The following NLGN1 variants were observed in gnomAD, a reference collection of about 807,000 sequenced individuals.
The protein encoded by NLGN1 is neuroligin-1.
A neutral mutation model predicts 65.5 loss-of-function variants in NLGN1; 12 were observed. That is an observed-to-expected ratio of 0.18 (90% CI 0.12 to 0.30). NLGN1 has a LOEUF of 0.30. NLGN1 is among the 10% of genes least tolerant of loss of function. The probability of loss-of-function intolerance (pLI) is 1.00; values close to 1 mark genes in which losing one functional copy is unlikely to be tolerated. For missense variants in NLGN1, 750 were observed against 1,007.1 expected (o/e 0.74, Z 3.46); for synonymous variants, 350 against 359.5 (o/e 0.97, Z 0.30).
intron 2 of NLGN1, among the ~76,000 whole-genome samples, chr3:173,470,337 A>G (rs1195962742): frequency 4.6e-5 from 5 of 108,024 alleles, no homozygotes; most frequent in Non-Finnish European, 1.0e-4. Flanking sequence ...GACTGCCATC[A>G]TATCATCATA....
At chr3:173,963,766 G>T (rs371026945) in intron 4 of NLGN1, among the ~76,000 whole-genome samples, 1 of 152,144 alleles carries the variant, frequency 6.6e-6, no homozygotes, top group Non-Finnish European at 1.5e-5. Context: ...AAGTTCAAAA[G>T]GTGTCTAATT....
intron 4 of NLGN1, among the ~76,000 whole-genome samples, chr3:173,903,851 A>G (rs1390451537): frequency 6.6e-6 from 1 of 152,144 alleles, no homozygotes; most frequent in African/African-American, 2.4e-5. Flanking sequence ...AGCTGTAAGG[A>G]GATCTTTTAT....
At chr3:173,568,147 T>A (rs1034985955) in intron 2 of NLGN1, among the ~76,000 whole-genome samples, 15 of 151,448 alleles carry the variant, frequency 9.9e-5, no homozygotes, top group Admixed American at 8.6e-4. Flanking sequence ...CTTCCTTCCT[T>A]CCTTCCTTTC....
chr3:173,548,126 G>A (rs1740211386), intron 2 of NLGN1, among the ~76,000 whole-genome samples: 1 of 151,996 alleles, frequency 6.6e-6, no homozygotes, highest in South Asian at 2.1e-4. Flanking sequence ...TTCCAAGCCA[G>A]TGCCTACCAA....
rs993577713 is a variant in NLGN1, at chr3:174,169,041, G to A, written c.647-106274G>A. On this transcript the variant is annotated intron_variant, in intron 4 of 6. Coordinates refer to ENST00000457714, the Ensembl canonical transcript of NLGN1. ...GGGGTGACTCAGTCTGCTTCACCAG[G>A]CTTGGAGCCTACCTGTCTTGAAGAA... 4.6e-5 allele frequency among the ~76,000 whole-genome samples: 7 copies of A among 152,166 alleles called. No homozygotes were observed. In the East Asian group the frequency reaches 7.7e-4, roughly 17 times the overall value.
intron 2 of NLGN1, among the ~76,000 whole-genome samples, chr3:173,588,524 T>G (rs1217838575): frequency 6.6e-6 from 1 of 152,210 alleles, no homozygotes; most frequent in Non-Finnish European, 1.5e-5. Flanking sequence ...GAAGCTTAAG[T>G]GAAGTCAGGG....
chr3:173,956,511 A>C (rs116396620), intron 4 of NLGN1, among the ~76,000 whole-genome samples: 2,704 of 152,238 alleles, frequency 0.018, 81 homozygotes, highest in African/African-American at 0.061. Context: ...TATGTGTCCT[A>C]AATTTAATTA....
intron 3 of NLGN1, among the ~76,000 whole-genome samples, chr3:173,682,174 T>C (rs1372177962): frequency 6.6e-6 from 1 of 152,184 alleles, no homozygotes; most frequent in Non-Finnish European, 1.5e-5. Context: ...AAGAATTATA[T>C]GAAAGAGTTT....
intron 2 of NLGN1, among the ~76,000 whole-genome samples, chr3:173,530,892 T>G (rs1736456148): frequency 1.3e-5 from 2 of 152,108 alleles, no homozygotes; most frequent in South Asian, 4.1e-4. Flanking sequence ...TCGATGCTCA[T>G]TTTTTAAAAT....
intron 4 of NLGN1, among the ~76,000 whole-genome samples, chr3:174,045,068 T>C (rs1262686090): frequency 1.3e-5 from 2 of 152,092 alleles, no homozygotes. Context: ...TAATACACCA[T>C]CCAAACTGTT....
intron 3 of NLGN1, among the ~76,000 whole-genome samples, chr3:173,792,326 T>A (rs1299196982): frequency 6.6e-6 from 1 of 152,142 alleles, no homozygotes; most frequent in Non-Finnish European, 1.5e-5. Flanking sequence ...AAGATAAAAT[T>A]TAATAATGCC....
At chr3:174,167,113 G>T (rs891857320) in intron 4 of NLGN1, among the ~76,000 whole-genome samples, 7 of 152,054 alleles carry the variant, frequency 4.6e-5, no homozygotes, top group Non-Finnish European at 8.8e-5. Flanking sequence ...ACAGAAGAAA[G>T]ATGAGTCTTG....
chr3:174,015,123 T>C (rs944935516), intron 4 of NLGN1, among the ~76,000 whole-genome samples: 4 of 152,190 alleles, frequency 2.6e-5, no homozygotes, highest in African/African-American at 7.2e-5. Context: ...TTTGTTCTTA[T>C]AGAATTTATG....
chr3:173,486,931 A>G (rs997320767), intron 2 of NLGN1, among the ~76,000 whole-genome samples: 1 of 151,902 alleles, frequency 6.6e-6, no homozygotes, highest in Non-Finnish European at 1.5e-5. Context: ...TTTCTGATAT[A>G]TGCATTTAAG....
At chr3:174,157,518 G>A (rs1454448766) in intron 4 of NLGN1, among the ~76,000 whole-genome samples, 2 of 151,444 alleles carry the variant, frequency 1.3e-5, no homozygotes, top group African/African-American at 2.4e-5. Context: ...TTCTACCAAC[G>A]ATAGTTGACG....
At chr3:173,982,608 T>C (rs994916190) in intron 4 of NLGN1, among the ~76,000 whole-genome samples, 2 of 152,142 alleles carry the variant, frequency 1.3e-5, no homozygotes, top group African/African-American at 4.8e-5. Context: ...TATAAAAGTT[T>C]AAGAATGAAA....
chr3:174,172,333 T>TTA (rs1728702084), intron 4 of NLGN1, among the ~76,000 whole-genome samples: 1 of 152,104 alleles, frequency 6.6e-6, no homozygotes, highest in Admixed American at 6.6e-5. Context: ...AAATTATAAT[T>TTA]AAATTATTTT....
intron 4 of NLGN1, among the ~76,000 whole-genome samples, chr3:174,238,270 C>T (rs1742116705): frequency 6.6e-6 from 1 of 152,096 alleles, no homozygotes; most frequent in Non-Finnish European, 1.5e-5. Flanking sequence ...TGTGTCTAAA[C>T]TCTTAAGGTT....
At chr3:174,086,485 C>T (rs1423734154) in intron 4 of NLGN1, among the ~76,000 whole-genome samples, 1 of 151,174 alleles carries the variant, frequency 6.6e-6, no homozygotes, top group Non-Finnish European at 1.5e-5. Context: ...TCACTACATG[C>T]TCTAAAATGA....
Sources: gnomAD v4.1 joint callset for allele counts (sites outside exome capture counted in the v4.1 genomes callset) on GRCh38, gnomAD v4.1.1 for gene constraint, MANE v1.5 for transcripts, NCBI Gene and HGNC (gene_info 2026-07-23, HGNC 2026-07-21) for gene names.